The following POLR3D variants were observed in gnomAD, a reference collection of about 807,000 sequenced individuals.
POLR3D encodes the protein DNA-directed RNA polymerase III subunit RPC4.
POLR3D carries 42 observed loss-of-function variants against 44.5 expected under a neutral mutation model. That is an observed-to-expected ratio of 0.94 (90% CI 0.74 to 1.22). The LOEUF (loss-of-function observed/expected upper bound fraction) is 1.22, where lower values mean the gene tolerates loss of function less well. Ranked by LOEUF, POLR3D falls within the 50% of genes most tolerant of loss-of-function variation. The pLI, the probability that POLR3D is intolerant of heterozygous loss-of-function variation, is 0.00. For missense variants in POLR3D, 507 were observed against 505.2 expected (o/e 1.00, Z -0.03); for synonymous variants, 217 against 198.1 (o/e 1.10, Z -0.80).
At chr8:22,246,294 AT>A (rs1310689362) in intron 2 of POLR3D, among the ~76,000 whole-genome samples, 1 of 132,400 alleles carries the variant, frequency 7.6e-6, no homozygotes, top group Non-Finnish European at 1.6e-5. Context: ...TGCCCAGCTG[AT>A]TTTTGTATTT....
chr8:22,247,207 T>C lies in POLR3D; in HGVS notation c.166-14T>C. 1 of 1,608,208 alleles carries C rather than the reference T, an allele frequency of 6.2e-7. No homozygotes were observed. Among genetic ancestry groups the C allele is most frequent in the Non-Finnish European group, 8.5e-7 (1 of 1,174,852 alleles). On this transcript the variant is annotated splice_polypyrimidine_tract_variant and intron_variant, in intron 2 of 8. Coordinates refer to ENST00000306433, the MANE Select transcript of POLR3D (RefSeq NM_001722.3). ...GAACCTAACACATCAGTGACTCCTG[T>C]ATTTTGCTTTCAGAAAACCTTCACC... is the stretch of plus-strand genomic sequence containing the variant.
In POLR3D at chr8:22,248,645, G is replaced by A. The variant is rs1297677819; in HGVS notation, c.651G>A (p.Val217=). ...EEDMEVDIPA[V]KVKEEPRDEE... ...ACATGGAGGTGGACATACCTGCTGT[G>A]AAAGGTACTCTGTCGGTTAACTTCT... Residue 217 remains valine, a synonymous_variant, in exon 6 of 9, where the codon GTG becomes GTA. Coordinates refer to ENST00000306433, the MANE Select transcript of POLR3D (RefSeq NM_001722.3). 1.9e-6 allele frequency: 3 copies of A among 1,612,574 alleles called. No individual in the cohort carries two copies. Among genetic ancestry groups the A allele is most frequent in the Admixed American group, 3.3e-5 (2 of 59,800 alleles).
At position 22,249,274 on chromosome 8, in the gene POLR3D, G is replaced by A. The variant is rs766476082; in HGVS notation, c.886G>A (p.Gly296Arg). 10 of 1,613,970 alleles carry A rather than the reference G, an allele frequency of 6.2e-6. No individual in the cohort carries two copies. Among genetic ancestry groups the A allele is most frequent in the Admixed American group, 3.3e-5 (2 of 59,990 alleles). ...PIKTEVQGEDGQVVLIKQEKD... is the reference protein window; with the variant it reads ...PIKTEVQGEDRQVVLIKQEKD... ...CAAGACAGAGGTGCAGGGCGAGGAC[G>A]GACAGGTGGTGCTCATCAAGCAGGA... Residue 296 changes from glycine (G) to arginine (R), a missense_variant, in exon 7 of 9, where the codon GGA becomes AGA. By Grantham distance (125) the Gly-to-Arg change is moderately radical (BLOSUM62 -2). Coordinates refer to ENST00000306433, the MANE Select transcript of POLR3D (RefSeq NM_001722.3).
intron 2 of POLR3D, 68 bp from the exon 3 acceptor site, chr8:22,247,153 T>G (rs1277154717): frequency 7.9e-7 from 1 of 1,273,822 alleles, no homozygotes; most frequent in East Asian, 2.3e-5. Flanking sequence ...CCTTTGGGAA[T>G]TTTTATTTTC....
chr8:22,250,596 G>A lies in POLR3D; in HGVS notation c.*78G>A. The A allele has an allele frequency of 1.3e-6, 2 of 1,572,954 alleles. No homozygotes were observed. The highest frequency in any genetic ancestry group is 1.7e-6 in the Non-Finnish European group (2 of 1,150,480). The stretch of plus-strand genomic sequence containing the variant: ...AGACATTTTGTTCTTGAATCTGTGA[G>A]ACCCAGAAGGGGCCCACTGAGCCCA... On this transcript the variant is annotated 3_prime_UTR_variant, in exon 9 of 9. Coordinates refer to ENST00000306433, the MANE Select transcript of POLR3D (RefSeq NM_001722.3).
chr8:22,247,410 A>C, intron 3 of POLR3D, 146 bp downstream of exon 3: 1 of 606,798 alleles, frequency 1.6e-6, no homozygotes, highest in African/African-American at 1.9e-5. Flanking sequence ...CCTGGCTCCT[A>C]GGTGATTCTG....
At position 22,252,400 on chromosome 8, in the gene POLR3D, T is replaced by G. The variant is rs1830112360; in HGVS notation, c.*1882T>G. Reference sequence around the variant, plus strand: ...ACTCTTCTGCTTTTTTTGGACGAACTCAATGGCCCGATGTTAGATATTGGG... The same window carrying G: ...ACTCTTCTGCTTTTTTTGGACGAACGCAATGGCCCGATGTTAGATATTGGG... On this transcript the variant is annotated 3_prime_UTR_variant, in exon 9 of 9. Coordinates refer to ENST00000306433, the MANE Select transcript of POLR3D (RefSeq NM_001722.3). 6.5e-6 allele frequency: 1 copy of G among 152,844 alleles called. No individual in the cohort carries two copies. The highest frequency in any genetic ancestry group is 1.5e-5 in the Non-Finnish European group (1 of 68,040). 9.5% of individuals were successfully genotyped at this position (152,844 alleles called of 1,614,324 possible).
chr8:22,249,803 C>G (rs767423512), intron 7 of POLR3D, among the ~76,000 whole-genome samples: 16 of 152,306 alleles, frequency 1.1e-4, no homozygotes, highest in South Asian at 8.3e-4. Context: ...ACCTTGGCGA[C>G]AGAGTCAGAC....
In POLR3D at chr8:22,245,455, G is replaced by T. The variant is rs757166896; in HGVS notation, c.6G>T (p.Ser2=). M[S]EGNAAGEPST... ...CCCCTTCTCTCCCAGGCAACATGTC[G>T]GAAGGAAACGCCGCCGGCGAGCCCA... The change falls in exon 2 of 9, where the codon TCG becomes TCT. Residue 2 remains serine (S), a synonymous_variant. Coordinates refer to ENST00000306433, the MANE Select transcript of POLR3D (RefSeq NM_001722.3). The T allele has an allele frequency of 5.1e-5, 67 of 1,309,232 alleles. No homozygotes were observed. In the East Asian group the frequency reaches 7.3e-4, roughly 14 times the overall value. The allele number at this position is 1,309,232 out of a possible 1,614,324, so 81.1% of individuals were successfully genotyped here.
At position 22,252,419 on chromosome 8, in the gene POLR3D, T is replaced by TA. The variant is rs1358479470; in HGVS notation, c.*1902dup. On this transcript the variant is annotated 3_prime_UTR_variant, in exon 9 of 9. Transcript: ENST00000306433. The stretch of plus-strand genomic sequence containing the variant: ...ACGAACTCAATGGCCCGATGTTAGA[T>TA]ATTGGGTATTTTTCAATCTTCTGTT... The TA allele has an allele frequency of 1.3e-5, 2 of 152,498 alleles. No homozygotes were observed. The highest frequency in any genetic ancestry group is 4.8e-5 in the African/African-American group (2 of 41,434). 9.4% of individuals were successfully genotyped at this position (152,498 alleles called of 1,614,324 possible). A position where few individuals can be genotyped will look rare whatever the true frequency, so the allele number is the denominator to read the frequency against.
chr8:22,246,680 G>A (rs1398817956), intron 2 of POLR3D, among the ~76,000 whole-genome samples: 2 of 152,168 alleles, frequency 1.3e-5, no homozygotes, highest in East Asian at 3.9e-4. Context: ...TCCTGACCTC[G>A]TGATCCACCC....
At chr8:22,245,400 G>A in intron 1 of POLR3D, 45 bp from the exon 2 acceptor site, 1 of 1,301,642 alleles carries the variant, frequency 7.7e-7, no homozygotes, top group Non-Finnish European at 9.9e-7. Flanking sequence ...GCCAGGGTCC[G>A]CGTGTCAGTC....
At position 22,251,730 on chromosome 8, in the gene POLR3D, T is replaced by TCCCTG. The variant is rs1480884692; in HGVS notation, c.*1213_*1217dup. The TCCCTG allele has an allele frequency of 6.6e-6, 1 of 152,418 alleles. No individual in the cohort carries two copies. The allele number at this position is 152,418 out of a possible 1,614,324, so 9.4% of individuals were successfully genotyped here. On this transcript the variant is annotated 3_prime_UTR_variant, in exon 9 of 9. Coordinates refer to ENST00000306433, the MANE Select transcript of POLR3D (RefSeq NM_001722.3). ...TTTACCAGGTCATTGTACTGTGTTG[T>TCCCTG]CCCTGGAGGAACAGCTTCTCCTCTT...
intron 2 of POLR3D, among the ~76,000 whole-genome samples, 193 bp downstream of exon 2, chr8:22,245,807 C>T (rs945316716): frequency 6.6e-6 from 1 of 152,162 alleles, no homozygotes; most frequent in African/African-American, 2.4e-5. Flanking sequence ...TGAAATGACT[C>T]CCAGAGGTGG....
Position 22,250,814 on chromosome 8 carries a change from G to T in POLR3D, c.*296G>T, listed in dbSNP as rs1445308334. 2.6e-6 allele frequency: 1 copy of T among 377,558 alleles called. No homozygotes were observed. Among genetic ancestry groups the T allele is most frequent in the Admixed American group, 3.7e-5 (1 of 27,106 alleles). 23.4% of individuals were successfully genotyped at this position (377,558 alleles called of 1,614,324 possible). On this transcript the variant is annotated 3_prime_UTR_variant, in exon 9 of 9. Transcript: ENST00000306433. ...GATGCATCCTCCAAGGGTAGATGGG[G>T]AGGGTCTGTGTGAAGGGGCCGGCTT... is the stretch of plus-strand genomic sequence containing the variant.
At position 22,248,158 on chromosome 8, in the gene POLR3D, C is replaced by T; in HGVS notation, c.366C>T (p.Asn122=). 4 of 1,614,016 alleles carry T rather than the reference C, an allele frequency of 2.5e-6. No individual in the cohort carries two copies. The highest frequency in any genetic ancestry group is 3.4e-6 in the Non-Finnish European group (4 of 1,179,964). The change falls in exon 5 of 9, where the codon AAC becomes AAT. Residue 122 remains asparagine (N), a synonymous_variant. Coordinates refer to ENST00000306433, the MANE Select transcript of POLR3D (RefSeq NM_001722.3). The part of the protein sequence containing the change: ...GPAEMMKKKG[N]WDKTVDVSDM... ...GACCTGGGTGATTTCCCACAGGGAACTGGGATAAGACAGTGGATGTGTCAG... is the reference window on the plus strand; with the variant it reads ...GACCTGGGTGATTTCCCACAGGGAATTGGGATAAGACAGTGGATGTGTCAG...
chr8:22,246,507 A>G (rs1222474612), intron 2 of POLR3D, among the ~76,000 whole-genome samples: 3 of 150,522 alleles, frequency 2.0e-5, no homozygotes, highest in African/African-American at 4.9e-5. Context: ...GTGCAGAGGC[A>G]CCATCTCAGC....
rs866455209 is a variant in POLR3D, at chr8:22,248,755, G to A, written c.655+106G>A. 25 of 1,109,358 alleles carry A rather than the reference G, an allele frequency of 2.3e-5. No homozygotes were observed. In the African/African-American group the frequency reaches 3.4e-4, roughly 15 times the overall value. The allele number at this position is 1,109,358 out of a possible 1,614,324, so 68.7% of individuals were successfully genotyped here. On this transcript the variant is annotated intron_variant, in intron 6 of 8. Coordinates refer to ENST00000306433, the MANE Select transcript of POLR3D (RefSeq NM_001722.3). Reference sequence around the variant, plus strand: ...GCCCCTGACTGCTGCTCGTGAGCAGGTCCTCCCATTCCGGCTGTAAGATAC... The same window carrying A: ...GCCCCTGACTGCTGCTCGTGAGCAGATCCTCCCATTCCGGCTGTAAGATAC...
chr8:22,249,945 G>T, intron 7 of POLR3D, 130 bp from the exon 8 acceptor site: 1 of 925,924 alleles, frequency 1.1e-6, no homozygotes, highest in Non-Finnish European at 1.7e-6. Context: ...GACAGCCCTA[G>T]GAGAAGGCAC....
Sources: gnomAD v4.1 joint callset for allele counts (sites outside exome capture counted in the v4.1 genomes callset) on GRCh38, gnomAD v4.1.1 for gene constraint, MANE v1.5 for transcripts, NCBI Gene and HGNC (gene_info 2026-07-23, HGNC 2026-07-21) for gene names.